Variants in EYS observed in about 807,000 individuals in gnomAD.
The protein encoded by EYS is EGF-like photoreceptor maintenance factor.
Under a neutral mutation model 282.1 loss-of-function variants are expected in EYS, and 250 were observed. The ratio of observed to expected loss-of-function variants is 0.89; its 90% CI spans 0.80 to 0.98. The LOEUF (loss-of-function observed/expected upper bound fraction) is 0.98, where lower values mean the gene tolerates loss of function less well. Ranked by LOEUF, EYS falls within the 50% of genes least tolerant of loss-of-function variation. EYS has a pLI of 0.00. For synonymous variants in EYS, 1,355 were observed against 1,282.9 expected, an observed-to-expected ratio of 1.06 and a Z score of -1.20; for missense variants, 4,016 against 3,709.0, an observed-to-expected ratio of 1.08 and a Z score of -2.15.
At chr6:65,447,344 A>G (rs1356763847) in intron 5 of EYS, among the ~76,000 whole-genome samples, 27 of 141,560 alleles carry the variant, frequency 1.9e-4, no homozygotes, top group South Asian at 4.3e-4. Context: ...ATATATATAT[A>G]TAAATATATG....
rs1766210597 is a variant in EYS at position 65,495,243 on chromosome 6, A to G, written c.168T>C (p.Asp56=). The change falls in exon 4 of 43, where the codon GAT becomes GAC. Residue 56 remains aspartate, a synonymous_variant. Transcript: ENST00000503581. ...TENICLDFYR[D]CWFLGVNTKI... Reference sequence around the variant, plus strand: ...TAGTGTTTACACCCAAAAACCAGCAATCTCTGTAGAAGTCCAAGCAGATGT... The same window carrying G: ...TAGTGTTTACACCCAAAAACCAGCAGTCTCTGTAGAAGTCCAAGCAGATGT... 2 of 1,614,002 alleles carry G rather than the reference A, an allele frequency of 1.2e-6. No homozygotes were observed. Among genetic ancestry groups the G allele is most frequent in the Admixed American group, 3.3e-5 (2 of 59,994 alleles).
Position 65,507,112 on chromosome 6 carries a change from T to C in EYS, c.-332-11119A>G, listed in dbSNP as rs182504015. ...TTTTCAATATCGTTTGCATGACATGTCTGCCTTCATTAAAATCTCTCAGAT... is the reference window on the plus strand; with the variant it reads ...TTTTCAATATCGTTTGCATGACATGCCTGCCTTCATTAAAATCTCTCAGAT... On this transcript the variant is annotated intron_variant, in intron 2 of 42. Coordinates refer to ENST00000503581, the MANE Select transcript of EYS (RefSeq NM_001142800.2). Among the ~76,000 whole-genome samples the C allele has an allele frequency of 4.6e-3, 693 of 151,604 alleles. 6 individuals are homozygous for C. The highest frequency in any genetic ancestry group is 0.016 in the African/African-American group (635 of 40,952).
At chr6:64,321,835 T>A (rs1453891566) in intron 29 of EYS, among the ~76,000 whole-genome samples, 1 of 151,916 alleles carries the variant, frequency 6.6e-6, no homozygotes, top group Non-Finnish European at 1.5e-5. Flanking sequence ...TCTATAAATA[T>A]CTTAAATGTG....
chr6:64,447,981 T>A (rs551866653), intron 26 of EYS, among the ~76,000 whole-genome samples: 9 of 152,178 alleles, frequency 5.9e-5, no homozygotes, highest in Non-Finnish European at 1.3e-4. Flanking sequence ...ACTTCCCTGA[T>A]TAAAAACATA....
At chr6:63,854,600 TC>T (rs1413692192) in intron 36 of EYS, among the ~76,000 whole-genome samples, 1 of 152,116 alleles carries the variant, frequency 6.6e-6, no homozygotes, top group East Asian at 1.9e-4. Flanking sequence ...TGCACATGTA[TC>T]CCAGAACTTA....
At chr6:64,825,868 T>C (rs1765040069) in intron 19 of EYS, among the ~76,000 whole-genome samples, 1 of 151,584 alleles carries the variant, frequency 6.6e-6, no homozygotes, top group African/African-American at 2.4e-5. Context: ...AAAATTTCTC[T>C]ACTGTAGCAT....
At chr6:64,074,985 C>T (rs1044928808) in intron 32 of EYS, among the ~76,000 whole-genome samples, 4 of 151,922 alleles carry the variant, frequency 2.6e-5, no homozygotes, top group East Asian at 1.9e-4. Context: ...TATCTACTGA[C>T]GTTTCAATCA....
At chr6:64,793,220 AT>A (rs1306439963) in intron 22 of EYS, among the ~76,000 whole-genome samples, 1 of 152,124 alleles carries the variant, frequency 6.6e-6, no homozygotes, top group Non-Finnish European at 1.5e-5. Context: ...TAAGCTTTGT[AT>A]TTATTGGTGT....
intron 31 of EYS, among the ~76,000 whole-genome samples, chr6:64,126,637 A>G (rs1303944043): frequency 2.0e-5 from 3 of 152,008 alleles, no homozygotes; most frequent in Admixed American, 6.6e-5. Context: ...CAGCTTCTTC[A>G]CACTTCTCCT....
chr6:64,013,661 AC>A (rs532142123), intron 33 of EYS, among the ~76,000 whole-genome samples: 91 of 151,746 alleles, frequency 6.0e-4, no homozygotes, highest in African/African-American at 2.1e-3. Context: ...TCACCACCCC[AC>A]CCTTTTTTTT....
At chr6:64,703,429 A>ATATATTTTTTTTTTT (rs869208549) in intron 22 of EYS, among the ~76,000 whole-genome samples, 18 of 23,364 alleles carry the variant, frequency 7.7e-4, no homozygotes, top group Non-Finnish European at 8.9e-4. Flanking sequence ...ATATATATAT[A>ATATATTTTTTTTTTT]TTTTTTTTTT....
At chr6:64,987,030 G>A (rs1296899804) in intron 14 of EYS, among the ~76,000 whole-genome samples, 1 of 151,342 alleles carries the variant, frequency 6.6e-6, no homozygotes, top group Non-Finnish European at 1.5e-5. Context: ...AGTGACTAGA[G>A]GTCTATATCC....
chr6:65,017,282 T>C (rs1772086511), intron 13 of EYS, among the ~76,000 whole-genome samples: 1 of 152,208 alleles, frequency 6.6e-6, no homozygotes, highest in South Asian at 2.1e-4. Context: ...TGTACTTATT[T>C]TACTCTGAGA....
intron 31 of EYS, among the ~76,000 whole-genome samples, chr6:64,147,026 T>C (rs1774542087): frequency 6.6e-6 from 1 of 152,172 alleles, no homozygotes; most frequent in Non-Finnish European, 1.5e-5. Flanking sequence ...CAAAGATCAT[T>C]CACTTTCCAC....
intron 1 of EYS, among the ~76,000 whole-genome samples, chr6:65,650,744 A>G (rs1388653158): frequency 6.6e-6 from 1 of 152,194 alleles, no homozygotes; most frequent in East Asian, 1.9e-4. Context: ...GTACACAGAG[A>G]GCAAAAACAG....
At chr6:65,400,041 G>T (rs909504836) in intron 7 of EYS, among the ~76,000 whole-genome samples, 1 of 152,046 alleles carries the variant, frequency 6.6e-6, no homozygotes, top group East Asian at 1.9e-4. Flanking sequence ...CTTCCAAATG[G>T]TTCAAGTATC....
chr6:65,300,332 A>T (rs983515839), intron 11 of EYS, among the ~76,000 whole-genome samples: 1 of 151,986 alleles, frequency 6.6e-6, no homozygotes, highest in Non-Finnish European at 1.5e-5. Flanking sequence ...TCTTTTCCTT[A>T]CTTGACTTCC....
intron 5 of EYS, among the ~76,000 whole-genome samples, chr6:65,426,294 T>A (rs1433604861): frequency 2.0e-5 from 3 of 152,122 alleles, no homozygotes; most frequent in African/African-American, 7.2e-5. Context: ...TCTATTTTAT[T>A]ATTATTAACT....
chr6:65,268,582 G>A (rs1767818017), intron 12 of EYS, among the ~76,000 whole-genome samples: 1 of 151,996 alleles, frequency 6.6e-6, no homozygotes, highest in East Asian at 1.9e-4. Flanking sequence ...AATAGAAATG[G>A]TTATGAAAGC....
Sources: gnomAD v4.1 joint callset for allele counts (sites outside exome capture counted in the v4.1 genomes callset) on GRCh38, gnomAD v4.1.1 for gene constraint, MANE v1.5 for transcripts, NCBI Gene and HGNC (gene_info 2026-07-23, HGNC 2026-07-21) for gene names.